The following CHD1 variants were observed in gnomAD, a reference collection of about 807,000 sequenced individuals.
CHD1 encodes the protein ATP-dependent chromatin remodeler CHD1.
Under a neutral mutation model 224.2 loss-of-function variants are expected in CHD1, and 36 were observed. The ratio of observed to expected loss-of-function variants is 0.16; its 90% CI spans 0.12 to 0.21. The LOEUF is 0.21. Ranked by LOEUF, CHD1 falls within the 10% of genes least tolerant of loss-of-function variation. The pLI, the probability that CHD1 is intolerant of heterozygous loss-of-function variation, is 1.00. For synonymous variants in CHD1, 668 were observed against 658.3 expected, an observed-to-expected ratio of 1.01 and a Z score of -0.23; for missense variants, 1,378 against 1,994.8, an observed-to-expected ratio of 0.69 and a Z score of 5.89.
chr5:98,910,468 T>C (rs1462679978), intron 2 of CHD1, among the ~76,000 whole-genome samples: 2 of 152,104 alleles, frequency 1.3e-5, no homozygotes, highest in African/African-American at 4.8e-5. Context: ...TAGAGACTGC[T>C]TTCTTACTAA....
In CHD1 at chr5:98,854,333, T is replaced by C. The variant is rs1265217338; in HGVS notation, c.*2047A>G. On this transcript the variant is annotated 3_prime_UTR_variant, in exon 36 of 36. Coordinates refer to ENST00000614616, the MANE Select transcript of CHD1 (RefSeq NM_001270.4). ...CCTTATCTCAGAAAATGCAACATTGTTCTGTGAAATTTGCACAATATAATG... is the reference window on the plus strand; with the variant it reads ...CCTTATCTCAGAAAATGCAACATTGCTCTGTGAAATTTGCACAATATAATG... The C allele has an allele frequency of 2.0e-5, 3 of 146,438 alleles. No homozygotes were observed. Among genetic ancestry groups the C allele is most frequent in the Admixed American group, 2.0e-4 (3 of 14,902 alleles). The allele number at this position is 146,438 out of a possible 1,614,324, so 9.1% of individuals were successfully genotyped here.
intron 32 of CHD1, among the ~76,000 whole-genome samples, chr5:98,862,994 T>A (rs1033327360): frequency 6.6e-6 from 1 of 152,150 alleles, no homozygotes; most frequent in Non-Finnish European, 1.5e-5. Context: ...GCATTTTACA[T>A]TGCGTGAGGA....
chr5:98,901,062 T>C lies in CHD1; in HGVS notation c.608A>G (p.Lys203Arg). The change falls in exon 7 of 36, where the codon AAG becomes AGG. Residue 203 changes from lysine to arginine, a missense_variant. Transcript: ENST00000614616. ...PQNRSKSKNG[K>R]KILGQKKRQI... ...TCTCTTTTTTTGTCCAAGAATCTTC[T>C]TTCCATTTTTTGACTTAGATCTAGG... 2 of 1,594,868 alleles carry C rather than the reference T, an allele frequency of 1.3e-6. No homozygotes were observed. Among genetic ancestry groups the C allele is most frequent in the Non-Finnish European group, 8.5e-7 (1 of 1,173,684 alleles).
At chr5:98,888,935 A>G (rs1412969318) in intron 16 of CHD1, 141 bp downstream of exon 16, 1 of 478,136 alleles carries the variant, frequency 2.1e-6, no homozygotes, top group African/African-American at 2.0e-5. Flanking sequence ...AAGATTAATA[A>G]CTGAGACCAT....
intron 2 of CHD1, among the ~76,000 whole-genome samples, chr5:98,923,807 C>G (rs753651221): frequency 6.6e-6 from 1 of 152,162 alleles, no homozygotes; most frequent in African/African-American, 2.4e-5. Flanking sequence ...AATATTGGAA[C>G]AGGTAAGTAG....
At chr5:98,905,365 G>A (rs993761761) in intron 2 of CHD1, among the ~76,000 whole-genome samples, 2 of 152,110 alleles carry the variant, frequency 1.3e-5, no homozygotes, top group African/African-American at 2.4e-5. Flanking sequence ...TAAGCAATAA[G>A]ATTGTAATCT....
At chr5:98,919,655 TAAGA>T (rs886618063) in intron 2 of CHD1, among the ~76,000 whole-genome samples, 8 of 152,050 alleles carry the variant, frequency 5.3e-5, no homozygotes, top group African/African-American at 1.7e-4. Flanking sequence ...TACAAAGCAA[TAAGA>T]AAGAAAGGTT....
Position 98,900,827 on chromosome 5 carries a change from C to A in CHD1, c.843G>T (p.Arg281=), listed in dbSNP as rs777186402. ...AAAAACTACCTCCTTTTCTCCCAAT[C>A]CGACAATCCATAAATCTTTCTATGG... ...FETIERFMDC[R]IGRKGATGAT... The change falls in exon 7 of 36, where the codon CGG becomes CGT. Residue 281 remains arginine, a synonymous_variant. Coordinates refer to ENST00000614616, the MANE Select transcript of CHD1 (RefSeq NM_001270.4). 6.8e-6 allele frequency: 11 copies of A among 1,608,290 alleles called. No individual in the cohort carries two copies. In the South Asian group the frequency reaches 1.2e-4, roughly 18 times the overall value.
At position 98,872,522 on chromosome 5, in the gene CHD1, A is replaced by C. The variant is rs1208061968; in HGVS notation, c.3605T>G (p.Phe1202Cys). 2 of 1,613,460 alleles carry C rather than the reference A, an allele frequency of 1.2e-6. No individual in the cohort carries two copies. The highest frequency in any genetic ancestry group is 2.7e-5 in the African/African-American group (2 of 74,832). The change falls in exon 27 of 36, where the codon TTC becomes TGC. Residue 1202 changes from phenylalanine (F) to cysteine (C), a missense_variant. Physicochemically the swap from Phe to Cys is radical, Grantham distance 205. Around this residue, in one of 16 missense-constraint regions of CHD1, gnomAD observed 286 missense variants for 445.1 expected, o/e 0.64. Transcript: ENST00000614616. ...ATTCACCTGTACTCCTGATATTCGG[A>C]ATGTTGGACCCTTCACTTTTCCGAG... Reference protein sequence around the residue: ...GRLGKVKGPTFRISGVQVNAK... With the variant: ...GRLGKVKGPTCRISGVQVNAK...
At chr5:98,869,058 CTTTGT>C in intron 30 of CHD1, 2 of 893,132 alleles carry the variant, frequency 2.2e-6, no homozygotes, top group Non-Finnish European at 2.7e-6. Context: ...GCTTCTTTTA[CTTTGT>C]TTTCTCTTTT....
chr5:98,904,622 T>C (rs867354330), intron 3 of CHD1, among the ~76,000 whole-genome samples: 7 of 152,160 alleles, frequency 4.6e-5, no homozygotes, highest in African/African-American at 1.4e-4. Flanking sequence ...ACACAATGGA[T>C]ATTTATGAAA....
At chr5:98,924,753 A>AGT (rs1753340929) in intron 2 of CHD1, among the ~76,000 whole-genome samples, 1 of 152,158 alleles carries the variant, frequency 6.6e-6, no homozygotes, top group Non-Finnish European at 1.5e-5. Flanking sequence ...AGGCAGGTGG[A>AGT]TCACTTGAGG....
intron 5 of CHD1, among the ~76,000 whole-genome samples, chr5:98,902,097 G>T (rs1324494754): frequency 6.6e-6 from 1 of 151,792 alleles, no homozygotes; most frequent in East Asian, 1.9e-4. Context: ...TCTTTTCAGG[G>T]CTTGCACACC....
intron 2 of CHD1, among the ~76,000 whole-genome samples, 186 bp from the exon 3 acceptor site, chr5:98,905,284 T>G (rs1751970921): frequency 1.3e-5 from 2 of 152,218 alleles, no homozygotes; most frequent in Non-Finnish European, 2.9e-5. Context: ...TGATAATTTA[T>G]TTATACGTGA....
chr5:98,917,052 T>A (rs763675288), intron 2 of CHD1, among the ~76,000 whole-genome samples: 5 of 152,108 alleles, frequency 3.3e-5, no homozygotes, highest in Non-Finnish European at 7.4e-5. Flanking sequence ...TTTAGGCTTG[T>A]AGGAATTTAG....
In CHD1 at chr5:98,893,644, CG is replaced by C. The variant is rs762186594; in HGVS notation, c.1801-39del. 1.8e-5 allele frequency: 25 copies of C among 1,355,790 alleles called. No homozygotes were observed. In the African/African-American group the frequency reaches 3.6e-4, roughly 20 times the overall value. The allele number at this position is 1,355,790 out of a possible 1,614,324, so 84.0% of individuals were successfully genotyped here. A position where few individuals can be genotyped will look rare whatever the true frequency, so the allele number is the denominator to read the frequency against. On this transcript the variant is annotated intron_variant, in intron 13 of 35. Coordinates refer to ENST00000614616, the MANE Select transcript of CHD1 (RefSeq NM_001270.4). The stretch of plus-strand genomic sequence containing the variant: ...GAAAAACAGTATTTTGAGAGAAAAA[CG>C]GAATTCAAATTTAGCCTTCCCATTT...
chr5:98,905,084 T>C lies in CHD1; in HGVS notation c.68A>G (p.Asp23Gly). ...SSGESSQSDD[D>G]SGSASGSGSG... ...TCCAGAGCCTGAAGCTGACCCAGAA[T>C]CATCATCCGACTGGCTATAATTTGA... The change falls in exon 3 of 36, where the codon GAT becomes GGT. Residue 23 changes from aspartate (D) to glycine (G), a missense_variant. By Grantham distance (94) the Asp-to-Gly change is moderately conservative. Coordinates refer to ENST00000614616, the MANE Select transcript of CHD1 (RefSeq NM_001270.4). 6.2e-7 allele frequency: 1 copy of C among 1,611,544 alleles called. No homozygotes were observed. The highest frequency in any genetic ancestry group is 1.1e-5 in the South Asian group (1 of 91,006).
In CHD1 at chr5:98,901,095, A is replaced by G. The variant is rs550635323; in HGVS notation, c.588-13T>C. 14 of 1,568,616 alleles carry G rather than the reference A, an allele frequency of 8.9e-6. No individual in the cohort carries two copies. The African/African-American group carries it at 9.7e-5, about 11-fold the overall frequency. ...TTTTGACTTAGATCTAGGAAAGTGC[A>G]AAGAGAAAAAAAAACAAGATTTGAG... is the stretch of plus-strand genomic sequence containing the variant. On this transcript the variant is annotated splice_polypyrimidine_tract_variant and intron_variant, in intron 6 of 35. Transcript: ENST00000614616.
At position 98,868,079 on chromosome 5, in the gene CHD1, T is replaced by A. The variant is rs866866024; in HGVS notation, c.4248+416A>T. ...CCTTCCAAAGTGCTGGGTTTACAGG[T>A]GTGAGCCACCATGCCCAGGCTTATC... On this transcript the variant is annotated intron_variant, in intron 31 of 35. Coordinates refer to ENST00000614616, the MANE Select transcript of CHD1 (RefSeq NM_001270.4). 2.6e-5 allele frequency among the ~76,000 whole-genome samples: 4 copies of A among 152,032 alleles called. 1 individual carries two copies. The South Asian group carries it at 8.3e-4, about 32-fold the overall frequency.
Sources: allele counts gnomAD v4.1 joint callset (sites outside exome capture counted in the v4.1 genomes callset), GRCh38; gene constraint gnomAD v4.1.1; regional missense constraint gnomAD v4.1.1; transcripts MANE v1.5; gene names NCBI Gene and HGNC (gene_info 2026-07-23, HGNC 2026-07-21).